SUPT3H: variants seen among roughly 807,000 people sequenced by gnomAD.
SUPT3H encodes the protein transcription initiation protein SPT3 homolog.
In SUPT3H, 44 loss-of-function variants were observed where a neutral mutation model predicts 44.3. That is an observed-to-expected ratio of 0.99 (90% CI 0.78 to 1.28). The LOEUF is 1.28. SUPT3H is among the 50% of genes most tolerant of loss of function. The pLI, the probability that SUPT3H is intolerant of heterozygous loss-of-function variation, is 0.00. For missense variants in SUPT3H, 380 were observed against 387.1 expected (o/e 0.98, Z 0.15); for synonymous variants, 124 against 125.6 (o/e 0.99, Z 0.09).
intron 10 of SUPT3H, among the ~76,000 whole-genome samples, chr6:44,913,592 C>T (rs964688914): frequency 3.9e-5 from 6 of 152,086 alleles, no homozygotes; most frequent in South Asian, 2.1e-4. Context: ...GAAAACAAGA[C>T]GTCTAGACTC....
chr6:45,267,849 A>G (rs1218159149), intron 2 of SUPT3H, among the ~76,000 whole-genome samples: 1 of 152,184 alleles, frequency 6.6e-6, no homozygotes, highest in Non-Finnish European at 1.5e-5. Flanking sequence ...ATCCAAAAGT[A>G]AAGATGAAAG....
At chr6:45,036,885 G>A (rs570043635) in intron 3 of SUPT3H, among the ~76,000 whole-genome samples, 229 of 152,210 alleles carry the variant, frequency 1.5e-3, no homozygotes, top group African/African-American at 5.3e-3. Flanking sequence ...AATAGAGGAA[G>A]TCCCCAAGAT....
intron 2 of SUPT3H, among the ~76,000 whole-genome samples, chr6:45,270,992 T>C (rs565191935): frequency 5.3e-5 from 8 of 152,278 alleles, no homozygotes; most frequent in South Asian, 2.1e-4. Flanking sequence ...CCCTAGAAAT[T>C]TGTGGAACTT....
chr6:45,056,998 G>A (rs887027360), intron 3 of SUPT3H, among the ~76,000 whole-genome samples: 3 of 151,982 alleles, frequency 2.0e-5, no homozygotes, highest in African/African-American at 7.2e-5. Context: ...GGAGACAAAG[G>A]CTTTAAATAA....
intron 2 of SUPT3H, among the ~76,000 whole-genome samples, chr6:45,348,200 C>T (rs548854263): frequency 1.5e-3 from 227 of 152,076 alleles, no homozygotes; most frequent in African/African-American, 5.2e-3. Context: ...TCTAATATAA[C>T]ATAGCAGTTA....
chr6:45,117,697 TA>T (rs548058984), intron 2 of SUPT3H, among the ~76,000 whole-genome samples: 1 of 152,068 alleles, frequency 6.6e-6, no homozygotes, highest in Non-Finnish European at 1.5e-5. Flanking sequence ...AACTATAAAT[TA>T]AAAAATATGG....
At chr6:45,327,985 G>A (rs59983488) in intron 2 of SUPT3H, among the ~76,000 whole-genome samples, 5 of 151,790 alleles carry the variant, frequency 3.3e-5, no homozygotes, top group African/African-American at 1.2e-4. Flanking sequence ...GTTGAGCGGG[G>A]AGTAGAAAGG....
At chr6:45,346,929 G>C (rs1002305358) in intron 2 of SUPT3H, among the ~76,000 whole-genome samples, 1 of 152,050 alleles carries the variant, frequency 6.6e-6, no homozygotes, top group South Asian at 2.1e-4. Context: ...AAATAAACAA[G>C]TGCCTAAACA....
intron 2 of SUPT3H, among the ~76,000 whole-genome samples, chr6:45,334,449 CAA>C (rs551014969): frequency 0.17 from 16,021 of 91,974 alleles, 778 homozygotes; most frequent in East Asian, 0.32. Context: ...TCAGGAAAAG[CAA>C]AAAAAAAAAA....
intron 3 of SUPT3H, among the ~76,000 whole-genome samples, chr6:45,077,791 A>G (rs538765432): frequency 2.0e-5 from 3 of 152,212 alleles, no homozygotes; most frequent in African/African-American, 7.2e-5. Flanking sequence ...AATGACAAAT[A>G]GCCCACACCT....
chr6:45,341,829 T>C (rs1300425146), intron 2 of SUPT3H, among the ~76,000 whole-genome samples: 1 of 152,150 alleles, frequency 6.6e-6, no homozygotes, highest in Admixed American at 6.5e-5. Context: ...CTAAGATAAT[T>C]CATCGCTTTT....
intron 2 of SUPT3H, among the ~76,000 whole-genome samples, chr6:45,136,217 C>G (rs1005961458): frequency 2.0e-5 from 3 of 152,028 alleles, no homozygotes; most frequent in Non-Finnish European, 2.9e-5. Context: ...AGAAGAAAAA[C>G]CCAGAAAGTC....
Position 45,304,343 on chromosome 6 carries a change from G to A in SUPT3H, c.101+60858C>T, listed in dbSNP as rs55701611. On this transcript the variant is annotated intron_variant, in intron 2 of 10. Transcript: ENST00000371459. ...TCTAATTTTGAAAATCAATTTAGCA[G>A]AGGAATGTTACTTAATTTAAAGGAA... Among the ~76,000 whole-genome samples, 1,380 of 152,244 alleles carry A rather than the reference G, an allele frequency of 9.1e-3. 22 individuals carry two copies. The highest frequency in any genetic ancestry group is 0.031 in the African/African-American group (1,308 of 41,544).
At chr6:45,132,105 T>G (rs1463173103) in intron 2 of SUPT3H, among the ~76,000 whole-genome samples, 2 of 152,206 alleles carry the variant, frequency 1.3e-5, no homozygotes, top group Non-Finnish European at 2.9e-5. Context: ...ATTTAATATT[T>G]TTGGACCATA....
intron 2 of SUPT3H, among the ~76,000 whole-genome samples, chr6:45,163,783 C>G (rs72870922): frequency 0.015 from 2,200 of 143,230 alleles, 24 homozygotes; most frequent in South Asian, 0.031. Flanking sequence ...TGATGCACCA[C>G]CACTTGTCAC....
intron 3 of SUPT3H, among the ~76,000 whole-genome samples, chr6:45,047,860 T>C (rs989392513): frequency 5.3e-5 from 8 of 152,154 alleles, no homozygotes; most frequent in Non-Finnish European, 8.8e-5. Flanking sequence ...TTCAGTAATT[T>C]TTCATATATG....
intron 2 of SUPT3H, among the ~76,000 whole-genome samples, chr6:45,273,039 T>G (rs1776456210): frequency 2.0e-5 from 3 of 152,252 alleles, no homozygotes; most frequent in Middle Eastern, 3.2e-3. Flanking sequence ...TGAGCCCATT[T>G]GTTTGAAATT....
chr6:44,903,690 C>G (rs1362321289), intron 10 of SUPT3H, among the ~76,000 whole-genome samples: 1 of 152,170 alleles, frequency 6.6e-6, no homozygotes, highest in East Asian at 1.9e-4. Context: ...ATGAGGCCAG[C>G]ATCATCCTGA....
chr6:44,883,779 C>A (rs1778659443), intron 10 of SUPT3H, among the ~76,000 whole-genome samples: 1 of 152,080 alleles, frequency 6.6e-6, no homozygotes, highest in African/African-American at 2.4e-5. Context: ...GAAAGGATTC[C>A]CTATTTAATA....
Sources: allele counts gnomAD v4.1 joint callset (sites outside exome capture counted in the v4.1 genomes callset), GRCh38; gene constraint gnomAD v4.1.1; transcripts MANE v1.5; gene names NCBI Gene and HGNC (gene_info 2026-07-23, HGNC 2026-07-21).